The following NCAPG2 variants were observed in gnomAD, a reference collection of about 807,000 sequenced individuals.
The protein encoded by NCAPG2 is condensin-2 complex subunit G2.
In NCAPG2, 53 loss-of-function variants were observed where a neutral mutation model predicts 141.1. The ratio of observed to expected loss-of-function variants is 0.38; its 90% confidence interval spans 0.30 to 0.47. The LOEUF (loss-of-function observed/expected upper bound fraction) is 0.47. Ranked by LOEUF, NCAPG2 falls within the 20% of genes least tolerant of loss-of-function variation. NCAPG2 has a pLI of 0.99. For missense variants in NCAPG2, 1,087 were observed against 1,389.0 expected (o/e 0.78, Z 3.46); for synonymous variants, 499 against 490.7 (o/e 1.02, Z -0.22).
Position 158,654,886 on chromosome 7 carries a change from T to C in NCAPG2, c.2647-192A>G, listed in dbSNP as rs1367473387. ...GTAAGAAATCTAGAGACATATTTTA[T>C]GTAATTCCACAAACATAATCGAACA... is the stretch of plus-strand genomic sequence containing the variant. On this transcript the variant is annotated intron_variant, in intron 21 of 27. Transcript: ENST00000356309. 8 of 1,220,022 alleles carry C rather than the reference T, an allele frequency of 6.6e-6. No homozygotes were observed. In the African/African-American group the frequency reaches 1.2e-4, roughly 19 times the overall value. 75.6% of individuals were successfully genotyped at this position (1,220,022 alleles called of 1,614,324 possible).
In NCAPG2 at chr7:158,645,540, T is replaced by C; in HGVS notation, c.3259A>G (p.Ile1087Val). The C allele has an allele frequency of 1.2e-6, 2 of 1,614,072 alleles. No individual in the cohort carries two copies. The highest frequency in any genetic ancestry group is 1.7e-6 in the Non-Finnish European group (2 of 1,179,966). The change falls in exon 26 of 28, where the codon ATT (isoleucine) becomes GTT (valine). Residue 1087 changes from isoleucine to valine, a missense_variant. Coordinates refer to ENST00000356309, the MANE Select transcript of NCAPG2 (RefSeq NM_017760.7). ...GIVCLTAAVH[I>V]ILVINAGKHK... is the part of the protein sequence containing the mutation. ...CAACCTGCATTAATAACCAGGATAA[T>C]ATGCACAGCAGCCGTGAGGCACACA...
At chr7:158,667,868 CTCCTTACCCACTACT>C in intron 13 of NCAPG2, among the ~76,000 whole-genome samples, 1 of 13,164 alleles carries the variant, frequency 7.6e-5, no homozygotes. Context: ...TCCCTCCGCC[CTCCTTACCCACTACT>C]GGGTCCCTCC....
rs771439896 is a variant in NCAPG2, at chr7:158,662,387, ATT to A, written c.1816-22_1816-21del. 2.0e-6 allele frequency: 3 copies of A among 1,532,764 alleles called. No homozygotes were observed. The African/African-American group carries it at 4.2e-5, about 21-fold the overall frequency. 94.9% of individuals were successfully genotyped at this position (1,532,764 alleles called of 1,614,324 possible). ...CAGAACCTAAGATAAAAATAATTTT[ATT>A]GTGAAAGGATCTAATCATAGCAACT... is the stretch of plus-strand genomic sequence containing the variant. On this transcript the variant is annotated intron_variant, in intron 15 of 27. Transcript: ENST00000356309.
At chr7:158,664,873 C>T in intron 13 of NCAPG2, 123 bp from the exon 14 acceptor site, 1 of 717,892 alleles carries the variant, frequency 1.4e-6, no homozygotes. Flanking sequence ...AAAAAATTCA[C>T]TTCGAATGAC....
At chr7:158,638,435 T>G (rs1328719666) in intron 27 of NCAPG2, among the ~76,000 whole-genome samples, 1 of 152,114 alleles carries the variant, frequency 6.6e-6, no homozygotes, top group Non-Finnish European at 1.5e-5. Context: ...AGATGAGGTC[T>G]CGCTGTGTTG....
chr7:158,642,135 T>C (rs1480463975), intron 27 of NCAPG2, among the ~76,000 whole-genome samples: 1 of 152,170 alleles, frequency 6.6e-6, no homozygotes, highest in African/African-American at 2.4e-5. Context: ...ACAACGCAAC[T>C]AAATAGGTCA....
intron 27 of NCAPG2, among the ~76,000 whole-genome samples, chr7:158,632,730 T>C (rs911515536): frequency 6.6e-5 from 10 of 152,202 alleles, no homozygotes; most frequent in African/African-American, 1.4e-4. Flanking sequence ...AGTAATCACA[T>C]TGAAACAGGT....
rs544183004 is a variant in NCAPG2, at chr7:158,656,389, G to A, written c.2259C>T (p.Arg753=). 5 of 1,614,174 alleles carry A rather than the reference G, an allele frequency of 3.1e-6. No individual in the cohort carries two copies. The South Asian group carries it at 4.4e-5, about 14-fold the overall frequency. ...SKGRVQIHDT[R]PVKPELALVY... The stretch of plus-strand genomic sequence containing the variant: ...CCAATGCCAATTCAGGTTTGACTGG[G>A]CGTGTGTCATGGATCTGCACCCTAC... The change falls in exon 19 of 28, where the codon CGC becomes CGT. Residue 753 remains arginine, a synonymous_variant. Coordinates refer to ENST00000356309, the MANE Select transcript of NCAPG2 (RefSeq NM_017760.7).
At chr7:158,680,339 A>G (rs1467366097) in intron 10 of NCAPG2, among the ~76,000 whole-genome samples, 1 of 152,176 alleles carries the variant, frequency 6.6e-6, no homozygotes, top group African/African-American at 2.4e-5. Flanking sequence ...CTCACTAAAG[A>G]TACCAGGTTG....
chr7:158,638,048 G>A (rs1232253497), intron 27 of NCAPG2, among the ~76,000 whole-genome samples: 1 of 152,106 alleles, frequency 6.6e-6, no homozygotes, highest in Non-Finnish European at 1.5e-5. Context: ...GGAGGCTGAT[G>A]CACAAGAATT....
Position 158,703,218 on chromosome 7 carries a change from C to T in NCAPG2, c.-39-1280G>A, listed in dbSNP as rs1328441279. On this transcript the variant is annotated intron_variant, in intron 1 of 27. Transcript: ENST00000356309. ...GCATGACTGGCACATTTTTCACTGACAAAGAAAATGGGGAGGGAAGGGAGA... is the reference window on the plus strand; with the variant it reads ...GCATGACTGGCACATTTTTCACTGATAAAGAAAATGGGGAGGGAAGGGAGA... Among the ~76,000 whole-genome samples, 3 of 152,096 alleles carry T rather than the reference C, an allele frequency of 2.0e-5. No homozygotes were observed. In the East Asian group the frequency reaches 5.8e-4, roughly 29 times the overall value.
At chr7:158,667,522 T>TC (rs201085283) in intron 13 of NCAPG2, among the ~76,000 whole-genome samples, 14 of 16,920 alleles carry the variant, frequency 8.3e-4, no homozygotes, top group African/African-American at 1.2e-3. Context: ...CCCTCCGCCC[T>TC]CCTTACCTAC....
intron 12 of NCAPG2, among the ~76,000 whole-genome samples, chr7:158,674,414 G>A (rs890222963): frequency 2.0e-5 from 3 of 151,882 alleles, no homozygotes; most frequent in Admixed American, 2.0e-4. Flanking sequence ...TGCCTCTCAA[G>A]TAGCTGGGAC....
intron 11 of NCAPG2, among the ~76,000 whole-genome samples, chr7:158,677,532 A>AAAAAAAAAAAAAAAAAAAAG (rs1834159458): frequency 2.2e-5 from 1 of 44,496 alleles, no homozygotes; most frequent in African/African-American, 8.1e-5. Context: ...AAGCAAAAAA[A>AAAAAAAAAAAAAAAAAAAAG]AAAAAAAAAA....
At chr7:158,637,096 C>T (rs532215062) in intron 27 of NCAPG2, among the ~76,000 whole-genome samples, 159 of 152,054 alleles carry the variant, frequency 1.0e-3, no homozygotes, top group Middle Eastern at 3.4e-3. Flanking sequence ...TACAGGCGCC[C>T]GCCACCATGC....
In NCAPG2 at chr7:158,656,654, C is replaced by G; in HGVS notation, c.2112G>C (p.Lys704Asn). 3 of 1,614,162 alleles carry G rather than the reference C, an allele frequency of 1.9e-6. No individual in the cohort carries two copies. Among genetic ancestry groups the G allele is most frequent in the Non-Finnish European group, 8.5e-7 (1 of 1,180,042 alleles). ...GGCAATCCAACAAAGTGCAGTAGCT[C>G]TTGTCCACAGCGCCCTCCTCCCGGC... ...LRSREEGAVD[K>N]SYCTLLDCLC... is the part of the protein sequence containing the mutation. The change falls in exon 18 of 28, where the codon AAG becomes AAC. Residue 704 changes from lysine (K) to asparagine (N), a missense_variant. Physicochemically the swap from Lys to Asn is moderately conservative, Grantham distance 94 (BLOSUM62 0). Coordinates refer to ENST00000356309, the MANE Select transcript of NCAPG2 (RefSeq NM_017760.7).
rs1832747245 is a variant in NCAPG2 at position 158,664,247 on chromosome 7, C to T, written c.1752G>A (p.Arg584=). 6.2e-7 allele frequency: 1 copy of T among 1,614,050 alleles called. No homozygotes were observed. ...CGTCCTCTGGAGGCTCTCTCACTGC[C>T]CTCTGGATACAGGCATTTAAGCAAT... ...IRHCLNACIQ[R]AVREPPEDEE... Residue 584 remains arginine (R), a synonymous_variant, in exon 15 of 28, where the codon AGG becomes AGA. Coordinates refer to ENST00000356309, the MANE Select transcript of NCAPG2 (RefSeq NM_017760.7).
In NCAPG2 at chr7:158,633,233, C is replaced by T. The variant is rs1829996533; in HGVS notation, c.3381-1516G>A. Among the ~76,000 whole-genome samples the T allele has an allele frequency of 6.6e-6, 1 of 152,170 alleles. No homozygotes were observed. Among genetic ancestry groups the T allele is most frequent in the Admixed American group, 6.5e-5 (1 of 15,284 alleles). ...GTCTATCCCCACCCTCGTGACCTCT[C>T]CTCGTGAGTATTTATGGTCTATGTT... is the stretch of plus-strand genomic sequence containing the variant. On this transcript the variant is annotated intron_variant, in intron 27 of 27. Transcript: ENST00000356309. This position sits in a 1 kb window ranked among gnomAD's most constrained non-coding sequence, Gnocchi z 4.1.
chr7:158,669,017 C>A (rs985237074), intron 13 of NCAPG2, among the ~76,000 whole-genome samples: 1 of 152,188 alleles, frequency 6.6e-6, no homozygotes, highest in Non-Finnish European at 1.5e-5. Flanking sequence ...TGAGAACATG[C>A]GGTATTTTGT....
Sources: gnomAD v4.1 joint callset for allele counts (sites outside exome capture counted in the v4.1 genomes callset) on GRCh38, gnomAD v4.1.1 for gene constraint, Gnocchi (gnomAD v3.1) non-coding constraint, MANE v1.5 for transcripts, NCBI Gene and HGNC (gene_info 2026-07-23, HGNC 2026-07-21) for gene names.